SEC23A: variants seen among roughly 807,000 people sequenced by gnomAD.
SEC23A encodes the protein SEC23 homolog A, COPII component.
Under a neutral mutation model 103.7 loss-of-function variants are expected in SEC23A, and 56 were observed. That is an observed-to-expected ratio of 0.54 (90% CI 0.44 to 0.67). SEC23A has a LOEUF of 0.67. Ranked by LOEUF, SEC23A falls within the 30% of genes least tolerant of loss-of-function variation. SEC23A has a pLI of 0.00. For synonymous variants in SEC23A, 281 were observed against 293.0 expected (o/e 0.96, Z 0.42); for missense variants, 784 against 936.4 (o/e 0.84, Z 2.12).
intron 13 of SEC23A, among the ~76,000 whole-genome samples, chr14:39,061,386 T>A (rs1161907220): frequency 1.3e-5 from 2 of 151,794 alleles, no homozygotes; most frequent in East Asian, 1.9e-4. Context: ...GAAAAAAAAA[T>A]AGCTAAGAAT....
intron 5 of SEC23A, among the ~76,000 whole-genome samples, chr14:39,089,642 C>T (rs1209628649): frequency 6.6e-6 from 1 of 152,134 alleles, no homozygotes; most frequent in Non-Finnish European, 1.5e-5. Flanking sequence ...TCCTTCATTA[C>T]CTTCAACAAA....
At chr14:39,076,155 T>C in intron 7 of SEC23A, 62 bp from the exon 8 acceptor site, 1 of 1,170,604 alleles carries the variant, frequency 8.5e-7, no homozygotes, top group Non-Finnish European at 1.2e-6. Context: ...CTGATAATAA[T>C]TTTTTATATA....
chr14:39,079,292 G>T (rs1249226202), intron 7 of SEC23A, among the ~76,000 whole-genome samples: 1 of 151,890 alleles, frequency 6.6e-6, no homozygotes, highest in African/African-American at 2.4e-5. Flanking sequence ...GAAGTGACAG[G>T]ATCTAGAAAA....
intron 3 of SEC23A, 27 bp downstream of exon 3, chr14:39,093,160 C>T (rs1396692800): frequency 1.9e-6 from 3 of 1,606,640 alleles, no homozygotes; most frequent in Non-Finnish European, 2.6e-6. Flanking sequence ...AGCCACTGCG[C>T]CCGGCATGCA....
chr14:39,083,269 A>T (rs1011600042), intron 7 of SEC23A, among the ~76,000 whole-genome samples: 7 of 152,180 alleles, frequency 4.6e-5, no homozygotes, highest in Non-Finnish European at 1.0e-4. Context: ...CCCTCTGCTC[A>T]GTAAGATAAA....
At chr14:39,092,916 T>C (rs1887710146) in intron 3 of SEC23A, 2 of 492,744 alleles carry the variant, frequency 4.1e-6, no homozygotes, top group Admixed American at 3.5e-5. Flanking sequence ...CAGGCTGGAG[T>C]AGAGTGGTGC....
At chr14:39,045,560 T>TA (rs1885801648) in intron 15 of SEC23A, among the ~76,000 whole-genome samples, 1 of 151,912 alleles carries the variant, frequency 6.6e-6, no homozygotes, top group Non-Finnish European at 1.5e-5. Context: ...ATTTTTAAGT[T>TA]AAAGTAAGAA....
rs1332026479 is a variant in SEC23A, at chr14:39,067,273, G to C, written c.1127C>G (p.Ser376Cys). 2.0e-5 allele frequency: 33 copies of C among 1,613,352 alleles called. No individual in the cohort carries two copies. The highest frequency in any genetic ancestry group is 2.8e-5 in the Non-Finnish European group (33 of 1,179,738). ...LTGGYMVMGD[S>C]FNTSLFKQTF... ...TTGTTTGAATAAGGAAGTATTGAAA[G>C]AATCACCCATTACCATGTATCCTCT... The change falls in exon 10 of 20, where the codon TCT becomes TGT. Residue 376 changes from serine (S) to cysteine (C), a missense_variant. Ser to Cys is a moderately radical substitution (Grantham distance 112, BLOSUM62 -1). Coordinates refer to ENST00000307712, the MANE Select transcript of SEC23A (RefSeq NM_006364.4).
At chr14:39,057,180 G>A (rs1178341507) in intron 13 of SEC23A, among the ~76,000 whole-genome samples, 2 of 152,026 alleles carry the variant, frequency 1.3e-5, no homozygotes, top group Non-Finnish European at 2.9e-5. Context: ...CAGGCATGGT[G>A]GCACATGCCT....
rs202142857 is a variant in SEC23A at position 39,085,685 on chromosome 14, T to TACACACACACAC, written c.828+76_828+77insGTGTGTGTGTGT. ...TTGGTTCTTCTTATCCTTATAATTA[T>TACACACACACAC]ATATACACACACACACACACACACA... On this transcript the variant is annotated intron_variant, in intron 7 of 19. Transcript: ENST00000307712. 3.4e-5 allele frequency: 33 copies of TACACACACACAC among 957,376 alleles called. 1 individual carries two copies. Among genetic ancestry groups the TACACACACACAC allele is most frequent in the African/African-American group, 1.8e-4 (7 of 38,984 alleles). The allele number at this position is 957,376 out of a possible 1,614,324, so 59.3% of individuals were successfully genotyped here.
At chr14:39,045,354 A>C (rs1885793793) in intron 15 of SEC23A, 30 bp from the exon 16 acceptor site, 2 of 1,556,488 alleles carry the variant, frequency 1.3e-6, no homozygotes. Flanking sequence ...GATAGTTGTT[A>C]CTGATTTTAA....
chr14:39,057,305 CA>C (rs113439177), intron 13 of SEC23A, among the ~76,000 whole-genome samples: 7 of 144,244 alleles, frequency 4.9e-5, no homozygotes, highest in Non-Finnish European at 7.6e-5. Context: ...GACTTTGTCT[CA>C]AAAAAAAAAA....
At chr14:39,053,032 G>A (rs975617858) in intron 14 of SEC23A, among the ~76,000 whole-genome samples, 1 of 152,172 alleles carries the variant, frequency 6.6e-6, no homozygotes, top group Non-Finnish European at 1.5e-5. Flanking sequence ...CAGCTCCAGA[G>A]GCGGAGGCAG....
intron 9 of SEC23A, among the ~76,000 whole-genome samples, chr14:39,068,855 G>T (rs1224651612): frequency 2.0e-5 from 3 of 152,104 alleles, no homozygotes; most frequent in Non-Finnish European, 4.4e-5. Context: ...GATATTATTA[G>T]AAGTTTTTGT....
chr14:39,051,349 C>G (rs961191500), intron 14 of SEC23A, among the ~76,000 whole-genome samples: 5 of 152,174 alleles, frequency 3.3e-5, no homozygotes, highest in African/African-American at 1.2e-4. Flanking sequence ...AATGGGGCCA[C>G]AAGACTAATC....
intron 4 of SEC23A, 43 bp from the exon 5 acceptor site, chr14:39,091,756 G>T: frequency 7.7e-7 from 1 of 1,301,346 alleles, no homozygotes; most frequent in Non-Finnish European, 1.1e-6. Context: ...GTAGTTTAAA[G>T]CACAGCATAC....
chr14:39,096,226 T>C (rs1887883174), intron 1 of SEC23A, 87 bp from the exon 2 acceptor site: 3 of 889,172 alleles, frequency 3.4e-6, no homozygotes, highest in Non-Finnish European at 5.4e-6. Flanking sequence ...TTCAGCAATA[T>C]TAACACCTTA....
chr14:39,092,195 T>G (rs941904237), intron 4 of SEC23A, among the ~76,000 whole-genome samples: 2 of 152,228 alleles, frequency 1.3e-5, no homozygotes, highest in Admixed American at 1.3e-4. Context: ...TGCAAGATTA[T>G]TTTCATTAAT....
At chr14:39,050,298 G>A (rs1374061983) in intron 14 of SEC23A, among the ~76,000 whole-genome samples, 1 of 152,160 alleles carries the variant, frequency 6.6e-6, no homozygotes, top group Non-Finnish European at 1.5e-5. Flanking sequence ...CTTACAAAAA[G>A]GCTAATTCCT....
Sources: allele counts gnomAD v4.1 joint callset (sites outside exome capture counted in the v4.1 genomes callset), GRCh38; gene constraint gnomAD v4.1.1; transcripts MANE v1.5; gene names NCBI Gene and HGNC (gene_info 2026-07-23, HGNC 2026-07-21).